The following MAP2K5 variants were observed in gnomAD, a reference collection of about 807,000 sequenced individuals.
MAP2K5 encodes the protein mitogen-activated protein kinase kinase 5, also known as dual specificity mitogen-activated protein kinase kinase 5.
In MAP2K5, 49 loss-of-function variants were observed where a neutral mutation model predicts 83.1. That is an observed-to-expected ratio of 0.59 (90% CI 0.47 to 0.75). The LOEUF (loss-of-function observed/expected upper bound fraction) is 0.75, where lower values mean the gene tolerates loss of function less well. MAP2K5 is among the 30% of genes least tolerant of loss of function. The pLI, the probability that MAP2K5 is intolerant of heterozygous loss-of-function variation, is 0.00. For missense variants in MAP2K5, 457 were observed against 557.5 expected, an observed-to-expected ratio of 0.82 and a Z score of 1.82; for synonymous variants, 202 against 191.8, an observed-to-expected ratio of 1.05 and a Z score of -0.44.
At chr15:67,615,075 G>A (rs537864793) in intron 8 of MAP2K5, among the ~76,000 whole-genome samples, 7 of 152,044 alleles carry the variant, frequency 4.6e-5, no homozygotes, top group African/African-American at 1.7e-4. Context: ...TTGGCTCACT[G>A]TAACCTCTGC....
In MAP2K5 at chr15:67,750,038, A is replaced by G. The variant is rs1008127577; in HGVS notation, c.1134+1437A>G. The stretch of plus-strand genomic sequence containing the variant: ...CTCATTTGAATGTTTTCTGCATCAA[A>G]TAGATATTTTCATTCCTTATTTAAA... On this transcript the variant is annotated intron_variant, in intron 19 of 21. Coordinates refer to ENST00000178640, the MANE Select transcript of MAP2K5 (RefSeq NM_145160.3). The surrounding 1 kb of genome is among the most constrained non-coding windows in gnomAD (Gnocchi z 4.2). Among the ~76,000 whole-genome samples the G allele has an allele frequency of 8.5e-5, 13 of 152,334 alleles. No homozygotes were observed. Among genetic ancestry groups the G allele is most frequent in the Admixed American group, 6.5e-4 (10 of 15,302 alleles).
rs2088573161 is a variant in MAP2K5 at position 67,707,100 on chromosome 15, A to C, written c.1044+3692A>C. On this transcript the variant is annotated intron_variant, in intron 16 of 21. Coordinates refer to ENST00000178640, the MANE Select transcript of MAP2K5 (RefSeq NM_145160.3). ...CCGGATAATTTTTTGTATTTTTAGTAGAGACAGGGTTTCACCATGTTAGCC... is the reference window on the plus strand; with the variant it reads ...CCGGATAATTTTTTGTATTTTTAGTCGAGACAGGGTTTCACCATGTTAGCC... Among the ~76,000 whole-genome samples the C allele has an allele frequency of 3.3e-5, 5 of 152,286 alleles. No individual in the cohort carries two copies. In the South Asian group the frequency reaches 1.0e-3, roughly 32 times the overall value.
rs113547193 is a variant in MAP2K5 at position 67,768,828 on chromosome 15, C to A, written c.1135-774C>A. Among the ~76,000 whole-genome samples the A allele has an allele frequency of 9.8e-5, 15 of 152,288 alleles. No individual in the cohort carries two copies. Among genetic ancestry groups the A allele is most frequent in the Non-Finnish European group, 1.0e-4 (7 of 68,006 alleles). The stretch of plus-strand genomic sequence containing the variant: ...AAACACAGTGGCGCTCTCTGTCATT[C>A]TTGGAAAAACTCCTAAATTCTTAAA... On this transcript the variant is annotated intron_variant, in intron 19 of 21. Transcript: ENST00000178640. This position sits in a 1 kb window ranked among gnomAD's most constrained non-coding sequence, Gnocchi z 4.0.
At chr15:67,715,371 T>G (rs1420242401) in intron 16 of MAP2K5, among the ~76,000 whole-genome samples, 1 of 152,226 alleles carries the variant, frequency 6.6e-6, no homozygotes, top group Non-Finnish European at 1.5e-5. Context: ...TTACCATGCC[T>G]AAATGTGCAT....
Position 67,724,095 on chromosome 15 carries a change from G to A in MAP2K5, c.1045-3821G>A, listed in dbSNP as rs996800961. 2.0e-5 allele frequency among the ~76,000 whole-genome samples: 3 copies of A among 152,130 alleles called. No homozygotes were observed. Among genetic ancestry groups the A allele is most frequent in the Non-Finnish European group, 2.9e-5 (2 of 68,014 alleles). ...ATACAGAAACAGGCAAAATTAAAAA[G>A]GACATTAAAGCTTCATTAAATCTGA... On this transcript the variant is annotated intron_variant, in intron 16 of 21. Transcript: ENST00000178640. This position sits in a 1 kb window ranked among gnomAD's most constrained non-coding sequence, Gnocchi z 4.4.
At chr15:67,610,872 C>A (rs745350875) in intron 8 of MAP2K5, among the ~76,000 whole-genome samples, 2 of 152,070 alleles carry the variant, frequency 1.3e-5, no homozygotes, top group Non-Finnish European at 2.9e-5. Flanking sequence ...CTAAAATTTC[C>A]TTACTTTTCC....
At chr15:67,697,340 C>T (rs531038209) in intron 15 of MAP2K5, among the ~76,000 whole-genome samples, 2 of 152,232 alleles carry the variant, frequency 1.3e-5, no homozygotes, top group East Asian at 3.9e-4. Flanking sequence ...AACACTATGA[C>T]ATAGGTAATA....
rs549186832 is a variant in MAP2K5 at position 67,548,887 on chromosome 15, A to G, written c.136-1147A>G. On this transcript the variant is annotated intron_variant, in intron 1 of 21. Transcript: ENST00000178640. ...CTGCCTAAGATAGTCCTCTTTGATC[A>G]GTTTTATATGCACAGATTTATTTTT... 7 of 502,686 alleles carry G rather than the reference A, an allele frequency of 1.4e-5. No homozygotes were observed. The South Asian group carries it at 3.7e-4, about 26-fold the overall frequency. 31.1% of individuals were successfully genotyped at this position (502,686 alleles called of 1,614,324 possible).
At chr15:67,649,972 C>T (rs1016684512) in intron 11 of MAP2K5, among the ~76,000 whole-genome samples, 2 of 152,130 alleles carry the variant, frequency 1.3e-5, no homozygotes, top group African/African-American at 4.8e-5. Context: ...TCTTCCACTC[C>T]GTGAACACAG....
intron 3 of MAP2K5, among the ~76,000 whole-genome samples, chr15:67,580,173 G>A (rs1035997114): frequency 3.3e-5 from 5 of 152,120 alleles, no homozygotes; most frequent in African/African-American, 9.7e-5. Flanking sequence ...AATTTGATCC[G>A]TACTAAAGTG....
chr15:67,707,957 T>C (rs986410566), intron 16 of MAP2K5, among the ~76,000 whole-genome samples: 1 of 151,924 alleles, frequency 6.6e-6, no homozygotes, highest in African/African-American at 2.4e-5. Flanking sequence ...GTACCTGTGG[T>C]AAAGAAAAAA....
chr15:67,548,993 A>G, intron 1 of MAP2K5: 2 of 1,413,196 alleles, frequency 1.4e-6, no homozygotes, highest in South Asian at 3.2e-5. Context: ...AATTGCCTTT[A>G]GAAGGAAGTT....
chr15:67,729,050 A>G (rs4776965), intron 17 of MAP2K5, among the ~76,000 whole-genome samples: 149,557 of 152,338 alleles, frequency 0.98, 73,471 homozygotes, highest in East Asian at 1. Context: ...TTTCAAATTC[A>G]TAGACTTTTT....
At chr15:67,564,914 T>C (rs886086094) in intron 3 of MAP2K5, among the ~76,000 whole-genome samples, 9 of 152,232 alleles carry the variant, frequency 5.9e-5, no homozygotes, top group African/African-American at 2.2e-4. Context: ...ATTGTGCTTT[T>C]TGAAAATGTT....
At chr15:67,642,588 GCA>G in intron 9 of MAP2K5, 1 of 785,308 alleles carries the variant, frequency 1.3e-6, no homozygotes, top group Admixed American at 1.9e-5. Context: ...GAGAGAGGAA[GCA>G]CACCCCAAGT....
At chr15:67,625,337 A>C (rs1310456942) in intron 8 of MAP2K5, among the ~76,000 whole-genome samples, 1 of 152,216 alleles carries the variant, frequency 6.6e-6, no homozygotes, top group African/African-American at 2.4e-5. Flanking sequence ...CTGTTCCCAG[A>C]AGGCCTGTGC....
chr15:67,658,686 T>G, intron 12 of MAP2K5, 72 bp downstream of exon 12: 1 of 1,279,040 alleles, frequency 7.8e-7, no homozygotes, highest in Admixed American at 1.7e-5. Flanking sequence ...TCTTCTTATA[T>G]TCTCAATGTT....
In MAP2K5 at chr15:67,747,256, A is replaced by G. The variant is rs1426661153; in HGVS notation, c.1075-975A>G. Among the ~76,000 whole-genome samples the G allele has an allele frequency of 1.3e-5, 2 of 152,200 alleles. No homozygotes were observed. The highest frequency in any genetic ancestry group is 2.9e-5 in the Non-Finnish European group (2 of 68,028). On this transcript the variant is annotated intron_variant, in intron 17 of 21. Coordinates refer to ENST00000178640, the MANE Select transcript of MAP2K5 (RefSeq NM_145160.3). The surrounding 1 kb of genome is among the most constrained non-coding windows in gnomAD (Gnocchi z 4.1). Reference sequence around the variant, plus strand: ...AGAATTTTTTAAAACACCTTTAAAAACATATAAGGGATTATTACTAGTTTC... The same window carrying G: ...AGAATTTTTTAAAACACCTTTAAAAGCATATAAGGGATTATTACTAGTTTC...
intron 21 of MAP2K5, 147 bp from the exon 22 acceptor site, chr15:67,806,499 C>G (rs896279242): frequency 3.0e-6 from 2 of 677,912 alleles, no homozygotes; most frequent in Non-Finnish European, 4.9e-6. Context: ...TTATCTAGGC[C>G]GTGAAATGGA....
Sources: gnomAD v4.1 joint callset for allele counts (sites outside exome capture counted in the v4.1 genomes callset) on GRCh38, gnomAD v4.1.1 for gene constraint, Gnocchi (gnomAD v3.1) non-coding constraint, MANE v1.5 for transcripts, NCBI Gene and HGNC (gene_info 2026-07-23, HGNC 2026-07-21) for gene names.